Variants in U2AF2 observed in about 807,000 individuals in gnomAD.
U2AF2 encodes the protein U2 small nuclear RNA auxiliary factor 2.
Under a neutral mutation model 52.6 loss-of-function variants are expected in U2AF2, and 6 were observed. The observed-to-expected ratio is 0.11, with a 90% CI of 0.06 to 0.23. The LOEUF is 0.23. Ranked by LOEUF, U2AF2 falls within the 10% of genes least tolerant of loss-of-function variation. U2AF2 has a pLI of 1.00. For synonymous variants in U2AF2, 284 were observed against 258.2 expected (o/e 1.10, Z -0.96); for missense variants, 222 against 677.1 (o/e 0.33, Z 7.46).
In U2AF2 at chr19:55,668,389, C is replaced by G. The variant is rs1485441224; in HGVS notation, c.743-118C>G. 1.9e-6 allele frequency: 2 copies of G among 1,053,996 alleles called. No homozygotes were observed. Among genetic ancestry groups the G allele is most frequent in the Admixed American group, 3.0e-5 (1 of 33,354 alleles). The allele number at this position is 1,053,996 out of a possible 1,614,324, so 65.3% of individuals were successfully genotyped here. ...GGGGTGGGCACGTGGCGACCCCTCC[C>G]TCGTCAGATCAGGCAGGAAGTGTTC... On this transcript the variant is annotated intron_variant, in intron 7 of 11. Coordinates refer to ENST00000308924, the MANE Select transcript of U2AF2 (RefSeq NM_007279.3). The surrounding 1 kb of genome is among the most constrained non-coding windows in gnomAD (Gnocchi z 5.5).
At chr19:55,667,426 C>T (rs960944885) in intron 7 of U2AF2, among the ~76,000 whole-genome samples, 6 of 152,116 alleles carry the variant, frequency 3.9e-5, no homozygotes, top group African/African-American at 1.4e-4. Flanking sequence ...TAGCTGATAT[C>T]TGACAGGACG....
At chr19:55,669,006 TG>T in intron 9 of U2AF2, 76 bp from the exon 10 acceptor site, 1 of 1,542,396 alleles carries the variant, frequency 6.5e-7, no homozygotes, top group Non-Finnish European at 8.8e-7. Context: ...TGCCCCGGCT[TG>T]GGGGTAGGTG....
intron 7 of U2AF2, among the ~76,000 whole-genome samples, chr19:55,664,906 G>C (rs310440): frequency 0.98 from 149,655 of 152,202 alleles, 73,587 homozygotes; most frequent in African/African-American, 1. Flanking sequence ...TTAGTAGAGG[G>C]TGGGTTTCAC....
chr19:55,670,662 G>T, intron 11 of U2AF2: 1 of 242,890 alleles, frequency 4.1e-6, no homozygotes. Context: ...GAGCAGGTGA[G>T]TGAGCGAGGT....
intron 7 of U2AF2, among the ~76,000 whole-genome samples, chr19:55,664,797 A>G (rs1398867212): frequency 6.6e-6 from 1 of 152,104 alleles, no homozygotes; most frequent in African/African-American, 2.4e-5. Context: ...GGCTTACTGC[A>G]TCCTCCGCCT....
chr19:55,668,182 G>A lies in U2AF2; in HGVS notation c.743-325G>A, dbSNP rs564351320. 6.6e-6 allele frequency among the ~76,000 whole-genome samples: 1 copy of A among 152,270 alleles called. No individual in the cohort carries two copies. Among genetic ancestry groups the A allele is most frequent in the East Asian group, 1.9e-4 (1 of 5,178 alleles). Reference sequence around the variant, plus strand: ...GGTCCCGAGCCCAGGTGACCTGCCAGCATTCCACAGCAGCAGGTAGCAGAT... The same window carrying A: ...GGTCCCGAGCCCAGGTGACCTGCCAACATTCCACAGCAGCAGGTAGCAGAT... On this transcript the variant is annotated intron_variant, in intron 7 of 11. Coordinates refer to ENST00000308924, the MANE Select transcript of U2AF2 (RefSeq NM_007279.3). This position sits in a 1 kb window ranked among gnomAD's most constrained non-coding sequence, Gnocchi z 5.5.
rs1287942999 is a variant in U2AF2 at position 55,668,074 on chromosome 19, G to A, written c.743-433G>A. On this transcript the variant is annotated intron_variant, in intron 7 of 11. Transcript: ENST00000308924. This position sits in a 1 kb window ranked among gnomAD's most constrained non-coding sequence, Gnocchi z 5.5. ...TGAGATTACAGGCGTGAGCCCCCGC[G>A]CCCGGCCGGGACTGAGCTTTAATGG... is the stretch of plus-strand genomic sequence containing the variant. 6.6e-6 allele frequency among the ~76,000 whole-genome samples: 1 copy of A among 152,140 alleles called. No homozygotes were observed. The highest frequency in any genetic ancestry group is 6.5e-5 in the Admixed American group (1 of 15,280).
At chr19:55,666,002 C>T (rs1381875681) in intron 7 of U2AF2, among the ~76,000 whole-genome samples, 1 of 152,208 alleles carries the variant, frequency 6.6e-6, no homozygotes, top group Non-Finnish European at 1.5e-5. Flanking sequence ...TGTGCAGCGC[C>T]TCCTTCCTGG....
intron 5 of U2AF2, 37 bp downstream of exon 5, chr19:55,661,226 C>A: frequency 6.6e-7 from 1 of 1,506,722 alleles, no homozygotes; most frequent in Non-Finnish European, 8.9e-7. Context: ...TCTCCCTTGT[C>A]CCTCTACCCC....
chr19:55,662,468 C>A, intron 5 of U2AF2, 34 bp from the exon 6 acceptor site: 1 of 1,165,186 alleles, frequency 8.6e-7, no homozygotes, highest in Non-Finnish European at 1.2e-6. Context: ...CTCCCTTCCC[C>A]CGCCCCCCCC....
rs1299839560 is a variant in U2AF2, at chr19:55,668,815, C to T, written c.945+23C>T. The T allele has an allele frequency of 6.2e-7, 1 of 1,601,456 alleles. No individual in the cohort carries two copies. Among genetic ancestry groups the T allele is most frequent in the Non-Finnish European group, 8.5e-7 (1 of 1,171,814 alleles). On this transcript the variant is annotated intron_variant, in intron 9 of 11. Coordinates refer to ENST00000308924, the MANE Select transcript of U2AF2 (RefSeq NM_007279.3). The surrounding 1 kb of genome is among the most constrained non-coding windows in gnomAD (Gnocchi z 5.5). ...CAGGTGAGTCCCCGGTCGCTGGCCG[C>T]TGCCGCGTCTGTCCTTCCCTGCCCT... is the stretch of plus-strand genomic sequence containing the variant.
At position 55,669,677 on chromosome 19, in the gene U2AF2, G is replaced by A. The variant is rs1171263933; in HGVS notation, c.1278G>A (p.Val426=). The A allele has an allele frequency of 6.2e-7, 1 of 1,607,488 alleles. No homozygotes were observed. The highest frequency in any genetic ancestry group is 1.1e-5 in the South Asian group (1 of 90,530). ...CCCGGCCTGTGGACGGCGTCGAGGTGCCCGGCTGCGGAAAGGTCAGGAGGC... is the reference window on the plus strand; with the variant it reads ...CCCGGCCTGTGGACGGCGTCGAGGTACCCGGCTGCGGAAAGGTCAGGAGGC... ...EIPRPVDGVE[V]PGCGKIFVEF... Residue 426 remains valine (V), a synonymous_variant, in exon 11 of 12, where the codon GTG becomes GTA. Coordinates refer to ENST00000308924, the MANE Select transcript of U2AF2 (RefSeq NM_007279.3).
At chr19:55,663,153 C>T (rs1033967170) in intron 6 of U2AF2, among the ~76,000 whole-genome samples, 2 of 147,798 alleles carry the variant, frequency 1.4e-5, no homozygotes, top group Admixed American at 6.8e-5. Context: ...GATTTCTGAG[C>T]ACTCCCTCTC....
At chr19:55,659,565 T>C (rs1318355758) in intron 2 of U2AF2, among the ~76,000 whole-genome samples, 1 of 151,470 alleles carries the variant, frequency 6.6e-6, no homozygotes, top group Non-Finnish European at 1.5e-5. Flanking sequence ...TCTTGGTGGT[T>C]GCTGGTGGGT....
At chr19:55,662,470 G>GCCC (rs371255874) in intron 5 of U2AF2, 32 bp from the exon 6 acceptor site, 1 of 249,698 alleles carries the variant, frequency 4.0e-6, no homozygotes, top group African/African-American at 5.5e-5. Flanking sequence ...CCCTTCCCCC[G>GCCC]CCCCCCCCCT....
intron 6 of U2AF2, 94 bp downstream of exon 6, chr19:55,662,712 T>C: frequency 9.0e-7 from 1 of 1,105,896 alleles, no homozygotes; most frequent in Non-Finnish European, 1.3e-6. Flanking sequence ...TTGTGCTGTT[T>C]CCACCAGGCC....
intron 5 of U2AF2, 23 bp from the exon 6 acceptor site, chr19:55,662,479 C>G: frequency 6.9e-7 from 1 of 1,457,208 alleles, no homozygotes; most frequent in Non-Finnish European, 9.4e-7. Context: ...CGCCCCCCCC[C>G]TTGTCTCCTA....
Position 55,659,234 on chromosome 19 carries a change from G to A in U2AF2, c.74G>A (p.Arg25Gln), listed in dbSNP as rs1568548592. The A allele has an allele frequency of 1.3e-6, 2 of 1,597,472 alleles. No individual in the cohort carries two copies. Among genetic ancestry groups the A allele is most frequent in the Non-Finnish European group, 1.7e-6 (2 of 1,170,958 alleles). Residue 25 changes from arginine to glutamine, a missense_variant, in exon 2 of 12, where the codon CGG (arginine) becomes CAG (glutamine). By Grantham distance (43) the Arg-to-Gln change is conservative. Transcript: ENST00000308924. The stretch of plus-strand genomic sequence containing the variant: ...GAGCGGGACAAGGAGAACCGGCATC[G>A]GAAGCGCAGCCACAGCCGCTCTCGG... ...KQERDKENRH[R>Q]KRSHSRSRSR...
At position 55,661,114 on chromosome 19, in the gene U2AF2, G is replaced by T; in HGVS notation, c.411G>T (p.Val137=). ...GTCTGGCTGTGACCCCAACGCCGGT[G>T]CCCGTGGTCGGGAGCCAGATGACCA... ...PDGLAVTPTP[V]PVVGSQMTRQ... The change falls in exon 5 of 12, where the codon GTG becomes GTT. Residue 137 remains valine (V), a synonymous_variant. Transcript: ENST00000308924. 6.2e-7 allele frequency: 1 copy of T among 1,612,700 alleles called. No homozygotes were observed. The highest frequency in any genetic ancestry group is 8.5e-7 in the Non-Finnish European group (1 of 1,179,040).
Sources: gnomAD v4.1 joint callset for allele counts (sites outside exome capture counted in the v4.1 genomes callset) on GRCh38, gnomAD v4.1.1 for gene constraint, Gnocchi (gnomAD v3.1) non-coding constraint, MANE v1.5 for transcripts, NCBI Gene and HGNC (gene_info 2026-07-23, HGNC 2026-07-21) for gene names.